Variants in NUP205 observed in about 807,000 individuals in gnomAD.
The protein encoded by NUP205 is nuclear pore complex protein Nup205.
A neutral mutation model predicts 253.8 loss-of-function variants in NUP205; 76 were observed. That is an observed-to-expected ratio of 0.30 (90% CI 0.25 to 0.36). NUP205 has a LOEUF of 0.36. Ranked by LOEUF, NUP205 falls within the 10% of genes least tolerant of loss-of-function variation. The pLI is 1.00. For synonymous variants in NUP205, 832 were observed against 850.1 expected, an observed-to-expected ratio of 0.98 and a Z score of 0.37; for missense variants, 2,162 against 2,425.5, an observed-to-expected ratio of 0.89 and a Z score of 2.28.
At chr7:135,625,394 C>A in intron 32 of NUP205, 39 bp downstream of exon 32, 4 of 1,472,562 alleles carry the variant, frequency 2.7e-6, no homozygotes, top group South Asian at 2.7e-5. Context: ...ATCAAGAAGT[C>A]GTTTTCTCTT....
At chr7:135,580,398 C>G (rs1307672228) in intron 7 of NUP205, among the ~76,000 whole-genome samples, 1 of 152,136 alleles carries the variant, frequency 6.6e-6, no homozygotes, top group African/African-American at 2.4e-5. Flanking sequence ...ATTTATAAGT[C>G]TTATTTCACT....
Position 135,587,658 on chromosome 7 carries a change from A to C in NUP205, c.1302A>C (p.Ser434=), listed in dbSNP as rs1200170796. 3.7e-6 allele frequency: 6 copies of C among 1,609,918 alleles called. No homozygotes were observed. ...AGATGGGTAATGAACCCCCCATTTC[A>C]CTTAGAAGGGACCTGGAACACTTAA... ...SMQMGNEPPI[S]LRRDLEHLML... The change falls in exon 9 of 43, where the codon TCA becomes TCC. Residue 434 remains serine (S), a synonymous_variant. Coordinates refer to ENST00000285968, the MANE Select transcript of NUP205 (RefSeq NM_015135.3).
In NUP205 at chr7:135,577,937, C is replaced by A. The variant is rs766521944; in HGVS notation, c.790C>A (p.Leu264Met). 6.2e-7 allele frequency: 1 copy of A among 1,614,052 alleles called. No homozygotes were observed. The highest frequency in any genetic ancestry group is 2.2e-5 in the East Asian group (1 of 44,870). The change falls in exon 6 of 43, where the codon CTG (leucine) becomes ATG (methionine). Residue 264 changes from leucine to methionine, a missense_variant. This residue lies in a region of NUP205 where 892 missense variants were observed against 957.1 expected (regional missense o/e 0.93). Transcript: ENST00000285968. ...ERVTVEANGS[L>M]DAVNLALLMA... ...AGTGACAGTTGAGGCTAATGGCTCA[C>A]TGGATGCAGTGAATCTGGCTCTTCT...
At chr7:135,620,224 TA>T (rs1169478729) in intron 30 of NUP205, among the ~76,000 whole-genome samples, 10 of 152,314 alleles carry the variant, frequency 6.6e-5, no homozygotes, top group Non-Finnish European at 1.3e-4. Context: ...TCAGAGTACT[TA>T]TCTAGTTGAT....
chr7:135,641,132 G>A lies in NUP205; in HGVS notation c.5393-2060G>A, dbSNP rs545060524. Among the ~76,000 whole-genome samples the A allele has an allele frequency of 2.0e-5, 3 of 152,258 alleles. No homozygotes were observed. In the South Asian group the frequency reaches 6.2e-4, roughly 32 times the overall value. On this transcript the variant is annotated intron_variant, in intron 38 of 42. Coordinates refer to ENST00000285968, the MANE Select transcript of NUP205 (RefSeq NM_015135.3). The stretch of plus-strand genomic sequence containing the variant: ...AATCAGGCCAAGGCATGAGGGGAAA[G>A]GTTTATACAAACCTGATAGCCTCTG...
intron 1 of NUP205, 124 bp downstream of exon 1, chr7:135,558,096 A>G: frequency 1.2e-6 from 1 of 833,942 alleles, no homozygotes; most frequent in Admixed American, 1.9e-5. Flanking sequence ...CTTTTCCCTA[A>G]TTCTGGGCCT....
chr7:135,591,665 C>T (rs1218916904), intron 11 of NUP205, 65 bp downstream of exon 11: 3 of 1,418,568 alleles, frequency 2.1e-6, no homozygotes, highest in South Asian at 2.5e-5. Context: ...TATCCCACTA[C>T]CTATTAAGAA....
intron 25 of NUP205, 150 bp from the exon 26 acceptor site, chr7:135,616,940 C>CA: frequency 1.5e-6 from 1 of 650,308 alleles, no homozygotes. Flanking sequence ...GAAATAAAAT[C>CA]AAATTTAGAT....
intron 35 of NUP205, among the ~76,000 whole-genome samples, chr7:135,631,915 A>G (rs1253646099): frequency 1.3e-5 from 2 of 151,822 alleles, no homozygotes; most frequent in Non-Finnish European, 2.9e-5. Context: ...ACGCCTGGCT[A>G]ATTTTTTGTA....
At chr7:135,607,200 G>T (rs749404460) in intron 21 of NUP205, 47 bp from the exon 22 acceptor site, 1 of 1,600,360 alleles carries the variant, frequency 6.2e-7, no homozygotes, top group South Asian at 1.1e-5. Flanking sequence ...AGATTTTAAT[G>T]CAGCAATTCT....
intron 39 of NUP205, among the ~76,000 whole-genome samples, chr7:135,644,656 CT>C (rs1399203969): frequency 3.3e-5 from 5 of 152,200 alleles, no homozygotes; most frequent in Non-Finnish European, 5.9e-5. Context: ...GCAACCCTGA[CT>C]GTGTTTCAGG....
intron 2 of NUP205, among the ~76,000 whole-genome samples, chr7:135,572,654 T>A (rs1806030130): frequency 6.6e-6 from 1 of 152,118 alleles, no homozygotes; most frequent in South Asian, 2.1e-4. Context: ...CTCCCTCCCG[T>A]GTTCAAGCAA....
At chr7:135,570,219 T>A (rs1000531394) in intron 1 of NUP205, among the ~76,000 whole-genome samples, 6 of 152,052 alleles carry the variant, frequency 3.9e-5, no homozygotes, top group East Asian at 1.9e-4. Flanking sequence ...ATTTAATTTT[T>A]AAATTTTTTT....
chr7:135,573,445 A>G (rs1415671059), intron 2 of NUP205, among the ~76,000 whole-genome samples: 1 of 152,196 alleles, frequency 6.6e-6, no homozygotes, highest in African/African-American at 2.4e-5. Context: ...TAGCAGTCAC[A>G]GTTATTGAGA....
In NUP205 at chr7:135,626,263, G is replaced by T; in HGVS notation, c.4695G>T (p.Lys1565Asn). The T allele has an allele frequency of 4.3e-6, 7 of 1,614,158 alleles. No individual in the cohort carries two copies. The highest frequency in any genetic ancestry group is 5.9e-6 in the Non-Finnish European group (7 of 1,180,012). The change falls in exon 33 of 43, where the codon AAG becomes AAT. Residue 1565 changes from lysine (K) to asparagine (N), a missense_variant. By Grantham distance (94) the Lys-to-Asn change is moderately conservative (BLOSUM62 0). Around this residue, in one of 5 missense-constraint regions of NUP205, gnomAD observed 1,144 missense variants for 1,280.9 expected, o/e 0.89. Transcript: ENST00000285968. The stretch of plus-strand genomic sequence containing the variant: ...AGGCATTTCTCACAAGAGTGGCAAA[G>T]ATACAGCAGGGTGCATTAGAGCTGC... ...SKMAFLTRVA[K>N]IQQGALELLR...
chr7:135,582,632 T>G (rs1389454337), intron 7 of NUP205, among the ~76,000 whole-genome samples: 3 of 152,028 alleles, frequency 2.0e-5, no homozygotes, highest in Non-Finnish European at 4.4e-5. Context: ...CACAGCTAAT[T>G]CTTTGATTTT....
At chr7:135,570,713 T>C (rs1413553756) in intron 1 of NUP205, among the ~76,000 whole-genome samples, 1 of 60,150 alleles carries the variant, frequency 1.7e-5, no homozygotes, top group Non-Finnish European at 3.2e-5. Context: ...TATATTAATA[T>C]AATTAATTAT....
intron 1 of NUP205, among the ~76,000 whole-genome samples, chr7:135,558,763 G>A (rs768264867): frequency 6.6e-6 from 1 of 152,180 alleles, no homozygotes; most frequent in Non-Finnish European, 1.5e-5. Flanking sequence ...AGAGCAGTCC[G>A]GAAAAATAAT....
At chr7:135,619,936 C>A in intron 30 of NUP205, 48 bp downstream of exon 30, 4 of 1,205,628 alleles carry the variant, frequency 3.3e-6, no homozygotes, top group South Asian at 1.3e-5. Context: ...GAGATGGTTA[C>A]TTTAAATTGA....
Sources: allele counts gnomAD v4.1 joint callset (sites outside exome capture counted in the v4.1 genomes callset), GRCh38; gene constraint gnomAD v4.1.1; regional missense constraint gnomAD v4.1.1; transcripts MANE v1.5; gene names NCBI Gene and HGNC (gene_info 2026-07-23, HGNC 2026-07-21).